Variants in GRTP1 observed in about 807,000 individuals in gnomAD.
The protein encoded by GRTP1 is growth hormone regulated TBC protein 1, also known as growth hormone-regulated TBC protein 1.
Under a neutral mutation model 38.1 loss-of-function variants are expected in GRTP1, and 56 were observed. The ratio of observed to expected loss-of-function variants is 1.47; its 90% CI spans 1.19 to 1.84. The LOEUF is 1.84. Among genes scored for constraint, GRTP1 ranks in the 40% most tolerant of loss-of-function variants. The pLI, the probability that GRTP1 is intolerant of heterozygous loss-of-function variation, is 0.00. For missense variants in GRTP1, 506 were observed against 453.9 expected (o/e 1.11, Z -1.04); for synonymous variants, 217 against 189.5 (o/e 1.14, Z -1.19).
intron 4 of GRTP1, 133 bp from the exon 5 acceptor site, chr13:113,345,092 G>T: frequency 5.1e-6 from 5 of 985,514 alleles, no homozygotes; most frequent in African/African-American, 1.7e-5. Flanking sequence ...ATTGCAGAAT[G>T]ATCCTTTAGT....
At position 113,324,936 on chromosome 13, in the gene GRTP1, C is replaced by T. The variant is rs191789570; in HGVS notation, c.922-359G>A. The stretch of plus-strand genomic sequence containing the variant: ...CCGCCTCCCAGGTTCAAGTGATTCT[C>T]GTGCCTCAGCCTCCCGAGTAACTGG... On this transcript the variant is annotated intron_variant, in intron 7 of 7. Transcript: ENST00000375431. The T allele has an allele frequency of 4.3e-4, 245 of 573,760 alleles. No individual in the cohort carries two copies. The African/African-American group carries it at 4.5e-3, about 11-fold the overall frequency. 35.5% of individuals were successfully genotyped at this position (573,760 alleles called of 1,614,324 possible).
intron 5 of GRTP1, among the ~76,000 whole-genome samples, chr13:113,338,084 T>C (rs2042978393): frequency 6.6e-6 from 1 of 152,216 alleles, no homozygotes; most frequent in South Asian, 2.1e-4. Flanking sequence ...GACGCAGTCT[T>C]CCGAGACAGG....
intron 5 of GRTP1, among the ~76,000 whole-genome samples, chr13:113,344,529 C>T (rs1566426955): frequency 1.3e-5 from 2 of 152,106 alleles, no homozygotes; most frequent in Non-Finnish European, 2.9e-5. Context: ...GCCTGACCAA[C>T]ATGGTGAAAC....
At chr13:113,329,687 G>T (rs1284139251) in intron 5 of GRTP1, among the ~76,000 whole-genome samples, 9 of 152,226 alleles carry the variant, frequency 5.9e-5, no homozygotes, top group Non-Finnish European at 1.5e-5. Context: ...TACATACAAA[G>T]CACTCCAAGT....
Position 113,342,141 on chromosome 13 carries a change from C to T in GRTP1, c.562+2722G>A, listed in dbSNP as rs532596185. ...TATTTTTAGTGGAGGTGGGGTTTTG[C>T]CATGTTGGCCAGGCTGGTCTTGAAC... On this transcript the variant is annotated intron_variant, in intron 5 of 7. Coordinates refer to ENST00000375431, the MANE Select transcript of GRTP1 (RefSeq NM_024719.4). The surrounding 1 kb of genome is among the most constrained non-coding windows in gnomAD (Gnocchi z 4.5). Among the ~76,000 whole-genome samples, 4 of 152,198 alleles carry T rather than the reference C, an allele frequency of 2.6e-5. No individual in the cohort carries two copies. The South Asian group carries it at 6.2e-4, about 24-fold the overall frequency.
rs1302932067 is a variant in GRTP1, at chr13:113,342,935, C to T, written c.562+1928G>A. On this transcript the variant is annotated intron_variant, in intron 5 of 7. Transcript: ENST00000375431. The surrounding 1 kb of genome is among the most constrained non-coding windows in gnomAD (Gnocchi z 4.5). ...GCATCTGTCCATCACACCAGCACGG[C>T]GGGGCCTGCTCCTGCCCTCTAGGTT... Among the ~76,000 whole-genome samples the T allele has an allele frequency of 1.3e-5, 2 of 152,062 alleles. No homozygotes were observed. The highest frequency in any genetic ancestry group is 2.9e-5 in the Non-Finnish European group (2 of 68,026).
In GRTP1 at chr13:113,324,395, A is replaced by G; in HGVS notation, c.*93T>C. 7.1e-7 allele frequency: 1 copy of G among 1,414,186 alleles called. No individual in the cohort carries two copies. The highest frequency in any genetic ancestry group is 9.3e-7 in the Non-Finnish European group (1 of 1,079,376). The allele number at this position is 1,414,186 out of a possible 1,614,324, so 87.6% of individuals were successfully genotyped here. A position where few individuals can be genotyped will look rare whatever the true frequency, so the allele number is the denominator to read the frequency against. On this transcript the variant is annotated 3_prime_UTR_variant, in exon 8 of 8. Coordinates refer to ENST00000375431, the MANE Select transcript of GRTP1 (RefSeq NM_024719.4). The stretch of plus-strand genomic sequence containing the variant: ...TGTAGTGATGTCAAGTATTTACAAC[A>G]CTAAAAAGGAAAGCAGTGAAAGTTG...
intron 5 of GRTP1, among the ~76,000 whole-genome samples, chr13:113,334,485 C>A (rs2042927802): frequency 6.6e-6 from 1 of 152,184 alleles, no homozygotes; most frequent in South Asian, 2.1e-4. Flanking sequence ...ACAGTTTCAT[C>A]CTGCACTGAA....
Position 113,325,925 on chromosome 13 carries a change from G to A in GRTP1, c.729C>T (p.Pro243=), listed in dbSNP as rs370993793. 2.7e-5 allele frequency: 44 copies of A among 1,613,634 alleles called. No individual in the cohort carries two copies. Among genetic ancestry groups the A allele is most frequent in the Middle Eastern group, 1.6e-4 (1 of 6,084 alleles). ...GCCCGAGTGAGGCGCTCACCTCCACGGGCAAGATGTCCACAAACAGGCAGA... is the reference window on the plus strand; with the variant it reads ...GCCCGAGTGAGGCGCTCACCTCCACAGGCAAGATGTCCACAAACAGGCAGA... The part of the protein sequence containing the change: ...WFICLFVDIL[P]VETVLRIWDC... Residue 243 remains proline, a synonymous_variant, in exon 6 of 8, where the codon CCC becomes CCT. Coordinates refer to ENST00000375431, the MANE Select transcript of GRTP1 (RefSeq NM_024719.4).
intron 5 of GRTP1, among the ~76,000 whole-genome samples, chr13:113,332,282 G>A (rs1349285797): frequency 1.4e-5 from 2 of 142,462 alleles, no homozygotes; most frequent in Non-Finnish European, 3.1e-5. Context: ...GTACACACGT[G>A]CACACACACA....
intron 4 of GRTP1, 115 bp downstream of exon 4, chr13:113,350,734 G>C (rs977021010): frequency 2.0e-6 from 2 of 1,014,232 alleles, no homozygotes; most frequent in Admixed American, 2.7e-5. Context: ...GCATCAGGAC[G>C]TGGAATTCAT....
intron 5 of GRTP1, among the ~76,000 whole-genome samples, chr13:113,326,857 AAGGG>A (rs1485838815): frequency 3.3e-5 from 5 of 152,184 alleles, no homozygotes; most frequent in Non-Finnish European, 5.9e-5. Context: ...CAGCCTTAGA[AAGGG>A]AGGAAGTCAG....
intron 7 of GRTP1, chr13:113,325,042 C>T: frequency 1.2e-6 from 1 of 835,398 alleles, no homozygotes; most frequent in Non-Finnish European, 1.5e-6. Flanking sequence ...GTTGGCCAGG[C>T]TGGTCTTGAA....
In GRTP1 at chr13:113,364,083, A is replaced by G. The variant is rs2043554697; in HGVS notation, c.-32T>C. 8.1e-7 allele frequency: 1 copy of G among 1,239,904 alleles called. No individual in the cohort carries two copies. The highest frequency in any genetic ancestry group is 3.2e-5 in the East Asian group (1 of 31,150). 76.8% of individuals were successfully genotyped at this position (1,239,904 alleles called of 1,614,324 possible). A position where few individuals can be genotyped will look rare whatever the true frequency, so the allele number is the denominator to read the frequency against. On this transcript the variant is annotated 5_prime_UTR_variant, in exon 1 of 8. Coordinates refer to ENST00000375431, the MANE Select transcript of GRTP1 (RefSeq NM_024719.4). The stretch of plus-strand genomic sequence containing the variant: ...AGGGAGGCGCGCACCGAGCGAGGCC[A>G]GCGGGTCCCAAGTTCGCCTCCCGGC...
intron 5 of GRTP1, among the ~76,000 whole-genome samples, chr13:113,341,909 C>T (rs1252184348): frequency 6.6e-6 from 1 of 152,014 alleles, no homozygotes; most frequent in Non-Finnish European, 1.5e-5. Context: ...CACCTTGTGG[C>T]CTCCCAGATG....
At chr13:113,324,695 T>A in intron 7 of GRTP1, 118 bp from the exon 8 acceptor site, 1 of 1,473,650 alleles carries the variant, frequency 6.8e-7, no homozygotes, top group Non-Finnish European at 9.0e-7. Flanking sequence ...GCAGTCCACA[T>A]CCAAGGGCTT....
chr13:113,358,385 G>A (rs867184536), intron 2 of GRTP1, among the ~76,000 whole-genome samples: 3 of 152,086 alleles, frequency 2.0e-5, no homozygotes, highest in East Asian at 1.9e-4. Flanking sequence ...CTCTTAAGAC[G>A]TCAGTTCTTC....
chr13:113,333,838 A>ATTTATTTATTTT lies in GRTP1; in HGVS notation c.563-7748_563-7747insAAAATAAATAAA, dbSNP rs749095615. Among the ~76,000 whole-genome samples the ATTTATTTATTTT allele has an allele frequency of 2.7e-3, 63 of 23,598 alleles. 1 individual carries two copies. The South Asian group carries it at 0.033, about 12-fold the overall frequency. The allele number at this position is 23,598 out of a possible 152,430, so 15.5% of individuals were successfully genotyped here. A position where few individuals can be genotyped will look rare whatever the true frequency, so the allele number is the denominator to read the frequency against. On this transcript the variant is annotated intron_variant, in intron 5 of 7. Coordinates refer to ENST00000375431, the MANE Select transcript of GRTP1 (RefSeq NM_024719.4). ...TATTTATTTATTTATTTATTTATTTAGTGTGTGTGTGTGTGTGTGTGTGTG... is the reference window on the plus strand; with the variant it reads ...TATTTATTTATTTATTTATTTATTTATTTATTTATTTTGTGTGTGTGTGTGTGTGTGTGTGTG...
chr13:113,364,012 C>T lies in GRTP1; in HGVS notation c.32+8G>A. ...CCGCCGGGGACGCCCGCACCCCGCG[C>T]CACACACCTGGGGACCCGCGAGCGC... On this transcript the variant is annotated splice_region_variant and intron_variant, in intron 1 of 7. Coordinates refer to ENST00000375431, the MANE Select transcript of GRTP1 (RefSeq NM_024719.4). 6.9e-7 allele frequency: 1 copy of T among 1,446,734 alleles called. No homozygotes were observed. The highest frequency in any genetic ancestry group is 9.1e-7 in the Non-Finnish European group (1 of 1,104,438). 89.6% of individuals were successfully genotyped at this position (1,446,734 alleles called of 1,614,324 possible).
Sources: gnomAD v4.1 joint callset for allele counts (sites outside exome capture counted in the v4.1 genomes callset) on GRCh38, gnomAD v4.1.1 for gene constraint, Gnocchi (gnomAD v3.1) non-coding constraint, MANE v1.5 for transcripts, NCBI Gene and HGNC (gene_info 2026-07-23, HGNC 2026-07-21) for gene names.